Variants in RBKS observed in about 807,000 individuals in gnomAD.
RBKS encodes ribokinase.
Under a neutral mutation model 33.9 loss-of-function variants are expected in RBKS, and 33 were observed. That is an observed-to-expected ratio of 0.97 (90% CI 0.74 to 1.30). The LOEUF (loss-of-function observed/expected upper bound fraction) is 1.30. RBKS is among the 50% of genes most tolerant of loss of function. The pLI, the probability that RBKS is intolerant of heterozygous loss-of-function variation, is 0.00. For missense variants in RBKS, 361 were observed against 392.6 expected (o/e 0.92, Z 0.68); for synonymous variants, 125 against 143.0 (o/e 0.87, Z 0.90).
intron 5 of RBKS, among the ~76,000 whole-genome samples, chr2:27,836,536 T>C (rs1678522865): frequency 1.3e-5 from 2 of 152,166 alleles, no homozygotes; most frequent in Admixed American, 6.5e-5. Context: ...CCTCAAACTA[T>C]AAAAATCCTA....
intron 5 of RBKS, among the ~76,000 whole-genome samples, chr2:27,840,645 T>G (rs1663475021): frequency 6.6e-6 from 1 of 152,110 alleles, no homozygotes; most frequent in Non-Finnish European, 1.5e-5. Context: ...TGCTGGACAG[T>G]GTTAAAATTT....
intron 1 of RBKS, among the ~76,000 whole-genome samples, chr2:27,863,336 G>A (rs1294237070): frequency 1.3e-5 from 2 of 152,246 alleles, no homozygotes; most frequent in Admixed American, 6.5e-5. Flanking sequence ...CAGGAGGCCT[G>A]AGCCACTTAC....
chr2:27,840,144 C>A (rs1029805407), intron 5 of RBKS, among the ~76,000 whole-genome samples: 3 of 151,424 alleles, frequency 2.0e-5, no homozygotes, highest in South Asian at 2.1e-4. Flanking sequence ...CTCAGCCTCC[C>A]GAGTAGCTGG....
At chr2:27,807,502 T>C (rs1363625881) in intron 7 of RBKS, among the ~76,000 whole-genome samples, 3 of 152,140 alleles carry the variant, frequency 2.0e-5, no homozygotes, top group Non-Finnish European at 4.4e-5. Flanking sequence ...CAACTCAGCC[T>C]CCTGAGTAGC....
chr2:27,794,301 C>G (rs1489459954), intron 7 of RBKS, among the ~76,000 whole-genome samples: 1 of 109,698 alleles, frequency 9.1e-6, no homozygotes, highest in Non-Finnish European at 1.8e-5. Context: ...CCATCCCCCC[C>G]ACAAAATAAT....
At chr2:27,807,534 C>A (rs1286235869) in intron 7 of RBKS, among the ~76,000 whole-genome samples, 1 of 152,144 alleles carries the variant, frequency 6.6e-6, no homozygotes, top group Non-Finnish European at 1.5e-5. Flanking sequence ...GCATTTGCCA[C>A]CACGCCTGGC....
At chr2:27,862,247 G>A (rs1239443637) in intron 1 of RBKS, among the ~76,000 whole-genome samples, 1 of 151,992 alleles carries the variant, frequency 6.6e-6, no homozygotes, top group African/African-American at 2.4e-5. Context: ...ACCGTGCCTG[G>A]CTGATTTATG....
At chr2:27,801,462 T>TACACACACACAC (rs1491245145) in intron 7 of RBKS, among the ~76,000 whole-genome samples, 14 of 82,994 alleles carry the variant, frequency 1.7e-4, no homozygotes, top group African/African-American at 4.6e-4. Context: ...AGGGCCACAG[T>TACACACACACAC]ATACACACAC....
At chr2:27,802,544 G>T (rs1334199611) in intron 7 of RBKS, among the ~76,000 whole-genome samples, 1 of 151,990 alleles carries the variant, frequency 6.6e-6, no homozygotes, top group Non-Finnish European at 1.5e-5. Context: ...GGCATGGGAT[G>T]ATGATGAAAA....
chr2:27,819,294 G>C (rs1653783454), intron 7 of RBKS, among the ~76,000 whole-genome samples: 1 of 152,106 alleles, frequency 6.6e-6, no homozygotes, highest in Non-Finnish European at 1.5e-5. Flanking sequence ...CAGAGAGAGA[G>C]AGAAAAAGGG....
Position 27,887,709 on chromosome 2 carries a change from T to C in RBKS, c.89+2548A>G, listed in dbSNP as rs1236932444. ...TGATTTTGCTAATCATCAGTAAAAT[T>C]TTTACTAGTGATTTTGCTAATCATC... On this transcript the variant is annotated intron_variant, in intron 1 of 7. Transcript: ENST00000302188. 9.3e-5 allele frequency among the ~76,000 whole-genome samples: 4 copies of C among 43,208 alleles called. No homozygotes were observed. In the East Asian group the frequency reaches 1.4e-3, roughly 16 times the overall value. The allele number at this position is 43,208 out of a possible 152,430, so 28.3% of individuals were successfully genotyped here.
At position 27,890,382 on chromosome 2, in the gene RBKS, C is replaced by A; in HGVS notation, c.-37G>T. 1 of 1,591,304 alleles carries A rather than the reference C, an allele frequency of 6.3e-7. No homozygotes were observed. The highest frequency in any genetic ancestry group is 8.6e-7 in the Non-Finnish European group (1 of 1,168,822). On this transcript the variant is annotated 5_prime_UTR_variant, in exon 1 of 8. It adds an upstream start codon to the 5' untranslated region. Coordinates refer to ENST00000302188, the MANE Select transcript of RBKS (RefSeq NM_022128.3). The surrounding 1 kb of genome is among the most constrained non-coding windows in gnomAD (Gnocchi z 4.8). ...GCTGCTGTCCAACCTGGACGGTGAC[C>A]TCTGCCCTTTGCCCGACCCCGTAAC... is the stretch of plus-strand genomic sequence containing the variant.
rs138196364 is a variant in RBKS at position 27,834,705 on chromosome 2, T to C, written c.515-1928A>G. 1.6e-4 allele frequency among the ~76,000 whole-genome samples: 24 copies of C among 152,324 alleles called. No individual in the cohort carries two copies. The East Asian group carries it at 4.6e-3, about 29-fold the overall frequency. The stretch of plus-strand genomic sequence containing the variant: ...TTCCCAGTTTTCCTCAAGCATTAAA[T>C]GGAAACAACTGCTCACCTAGTGTAA... On this transcript the variant is annotated intron_variant, in intron 5 of 7. Coordinates refer to ENST00000302188, the MANE Select transcript of RBKS (RefSeq NM_022128.3).
chr2:27,885,246 T>A (rs534948555), intron 1 of RBKS, among the ~76,000 whole-genome samples: 2 of 152,326 alleles, frequency 1.3e-5, no homozygotes, highest in Admixed American at 1.3e-4. Context: ...TTCACTGCTT[T>A]CAAGCTACCA....
chr2:27,835,444 G>C (rs1183266622), intron 5 of RBKS, among the ~76,000 whole-genome samples: 1 of 72,990 alleles, frequency 1.4e-5, no homozygotes, highest in Non-Finnish European at 2.4e-5. Flanking sequence ...CCCCTTTTCT[G>C]AGATGGCTCT....
At chr2:27,861,771 C>T (rs1663993168) in intron 1 of RBKS, among the ~76,000 whole-genome samples, 1 of 151,684 alleles carries the variant, frequency 6.6e-6, no homozygotes, top group South Asian at 2.1e-4. Context: ...CCTGCCTCAG[C>T]CTCCCGAGTA....
At chr2:27,864,339 G>A (rs1055148230) in intron 1 of RBKS, among the ~76,000 whole-genome samples, 4 of 152,098 alleles carry the variant, frequency 2.6e-5, no homozygotes, top group Non-Finnish European at 5.9e-5. Flanking sequence ...AAATGTCTGC[G>A]ACTAAAATGT....
chr2:27,804,773 G>A (rs1573039806), intron 7 of RBKS, among the ~76,000 whole-genome samples: 1 of 152,176 alleles, frequency 6.6e-6, no homozygotes, highest in Admixed American at 6.5e-5. Flanking sequence ...GGCCAGGCAC[G>A]GTGGCTCAAG....
chr2:27,816,210 T>C (rs1678088642), intron 7 of RBKS, among the ~76,000 whole-genome samples: 1 of 152,212 alleles, frequency 6.6e-6, no homozygotes, highest in Admixed American at 6.5e-5. Flanking sequence ...ACACGCAGGA[T>C]TAAGAAAGAT....
Sources: gnomAD v4.1 joint callset for allele counts (sites outside exome capture counted in the v4.1 genomes callset) on GRCh38, gnomAD v4.1.1 for gene constraint, Gnocchi (gnomAD v3.1) non-coding constraint, MANE v1.5 for transcripts, NCBI Gene and HGNC (gene_info 2026-07-23, HGNC 2026-07-21) for gene names.